The following LRRC59 variants were observed in gnomAD, a reference collection of about 807,000 sequenced individuals.
LRRC59 encodes leucine-rich repeat-containing protein 59.
Under a neutral mutation model 33.5 loss-of-function variants are expected in LRRC59, and 18 were observed. The ratio of observed to expected loss-of-function variants is 0.54; its 90% CI spans 0.37 to 0.80. The LOEUF (loss-of-function observed/expected upper bound fraction) is 0.80, where lower values mean the gene tolerates loss of function less well. LRRC59 is among the 30% of genes least tolerant of loss of function. The pLI is 0.00. For synonymous variants in LRRC59, 138 were observed against 160.0 expected, an observed-to-expected ratio of 0.86 and a Z score of 1.04; for missense variants, 330 against 391.9, an observed-to-expected ratio of 0.84 and a Z score of 1.33.
chr17:50,394,846 T>TCCCCCCCCCCCC, intron 2 of LRRC59, 83 bp downstream of exon 2: 1 of 960,492 alleles, frequency 1.0e-6, no homozygotes, highest in Non-Finnish European at 1.6e-6. Flanking sequence ...TATGACACCC[T>TCCCCCCCCCCCC]CCCACCCCCC....
chr17:50,385,439 C>T (rs1913980044), intron 5 of LRRC59, 148 bp from the exon 6 acceptor site: 6 of 902,760 alleles, frequency 6.6e-6, no homozygotes, highest in Non-Finnish European at 8.3e-6. Flanking sequence ...AGCCATCCTT[C>T]TGCTCCTGGA....
chr17:50,390,694 C>T (rs1914123136), intron 4 of LRRC59, among the ~76,000 whole-genome samples: 1 of 152,122 alleles, frequency 6.6e-6, no homozygotes, highest in South Asian at 2.1e-4. Flanking sequence ...TTAAGACTAA[C>T]CCATATACCC....
chr17:50,390,077 G>A (rs1914104866), intron 4 of LRRC59, among the ~76,000 whole-genome samples: 1 of 138,550 alleles, frequency 7.2e-6, no homozygotes, highest in Admixed American at 7.6e-5. Context: ...CAGCCTGGAC[G>A]ATAGAGCGTG....
intron 6 of LRRC59, among the ~76,000 whole-genome samples, chr17:50,383,797 T>G (rs888061987): frequency 1.8e-4 from 27 of 151,900 alleles, no homozygotes; most frequent in Non-Finnish European, 3.8e-4. Flanking sequence ...CATTTTTAAT[T>G]AGAAAAAAAT....
In LRRC59 at chr17:50,391,344, A is replaced by C. The variant is rs187952343; in HGVS notation, c.429+1054T>G. On this transcript the variant is annotated intron_variant, in intron 4 of 6. Transcript: ENST00000225972. Reference sequence around the variant, plus strand: ...AAGATTATATAAGAAGCCCTGAGCTAATGATAAGAAGTATCTTACTCTCTT... The same window carrying C: ...AAGATTATATAAGAAGCCCTGAGCTCATGATAAGAAGTATCTTACTCTCTT... 3.9e-5 allele frequency among the ~76,000 whole-genome samples: 6 copies of C among 152,362 alleles called. No individual in the cohort carries two copies. The East Asian group carries it at 1.2e-3, about 29-fold the overall frequency.
chr17:50,387,465 G>A (rs941248747), intron 5 of LRRC59, among the ~76,000 whole-genome samples: 4 of 152,234 alleles, frequency 2.6e-5, no homozygotes, highest in Non-Finnish European at 4.4e-5. Flanking sequence ...GATGCCATTA[G>A]AGGGTTTTAA....
intron 1 of LRRC59, among the ~76,000 whole-genome samples, chr17:50,395,588 T>A (rs1183195544): frequency 6.6e-6 from 1 of 152,064 alleles, no homozygotes; most frequent in Non-Finnish European, 1.5e-5. Context: ...TCATGACTGA[T>A]CGAGTAAGTA....
At chr17:50,388,756 G>C (rs1054788882) in intron 4 of LRRC59, among the ~76,000 whole-genome samples, 3 of 152,134 alleles carry the variant, frequency 2.0e-5, no homozygotes, top group African/African-American at 7.2e-5. Flanking sequence ...ATGACCCTCA[G>C]CAACAACTTG....
chr17:50,383,826 A>G (rs1252808606), intron 6 of LRRC59, among the ~76,000 whole-genome samples: 2 of 151,944 alleles, frequency 1.3e-5, no homozygotes, highest in African/African-American at 2.4e-5. Flanking sequence ...AGATTTTTAG[A>G]CAAAATTTTT....
At chr17:50,396,047 G>A (rs1424459043) in intron 1 of LRRC59, 5 of 152,242 alleles carry the variant, frequency 3.3e-5, no homozygotes, top group African/African-American at 1.2e-4. Flanking sequence ...CCTAGGGCAG[G>A]GTGAAATAAG....
intron 4 of LRRC59, among the ~76,000 whole-genome samples, chr17:50,391,347 G>T (rs1914138790): frequency 1.3e-5 from 2 of 152,172 alleles, no homozygotes; most frequent in Non-Finnish European, 2.9e-5. Context: ...CTGAGCTAAT[G>T]ATAAGAAGTA....
chr17:50,384,798 T>A (rs2143354134), intron 6 of LRRC59, among the ~76,000 whole-genome samples: 1 of 150,602 alleles, frequency 6.6e-6, no homozygotes, highest in African/African-American at 2.4e-5. Flanking sequence ...TGACCATGTG[T>A]GTGATTTTTG....
At chr17:50,397,118 A>T (rs1428465550) in intron 1 of LRRC59, 95 bp downstream of exon 1, 1 of 951,318 alleles carries the variant, frequency 1.1e-6, no homozygotes, top group Non-Finnish European at 1.5e-6. Flanking sequence ...AAGAAAAGGA[A>T]ACTGATGCTT....
intron 4 of LRRC59, among the ~76,000 whole-genome samples, chr17:50,389,959 G>GT: frequency 6.6e-6 from 1 of 152,026 alleles, no homozygotes; most frequent in African/African-American, 2.4e-5. Flanking sequence ...TTAGCTGGGT[G>GT]TGGTGGTGTG....
Position 50,382,641 on chromosome 17 carries a change from A to T in LRRC59, c.*347T>A, listed in dbSNP as rs377582963. ...TTGTGGCATACAAAAGTATAAATGT[A>T]GTGACAGCTGACCATTTAGTAGAAA... On this transcript the variant is annotated 3_prime_UTR_variant, in exon 7 of 7. Coordinates refer to ENST00000225972, the MANE Select transcript of LRRC59 (RefSeq NM_018509.4). 2 of 282,446 alleles carry T rather than the reference A, an allele frequency of 7.1e-6. No homozygotes were observed. The highest frequency in any genetic ancestry group is 9.3e-5 in the South Asian group (2 of 21,566). 17.5% of individuals were successfully genotyped at this position (282,446 alleles called of 1,614,324 possible). A position where few individuals can be genotyped will look rare whatever the true frequency, so the allele number is the denominator to read the frequency against.
intron 4 of LRRC59, 141 bp downstream of exon 4, chr17:50,392,257 A>G: frequency 1.6e-6 from 1 of 638,232 alleles, no homozygotes; most frequent in Non-Finnish European, 2.8e-6. Context: ...TCTGTTTGAC[A>G]GGCTCATAGT....
intron 2 of LRRC59, among the ~76,000 whole-genome samples, chr17:50,393,306 C>G (rs1445743024): frequency 6.6e-6 from 1 of 152,238 alleles, no homozygotes; most frequent in African/African-American, 2.4e-5. Context: ...GCACAAAACA[C>G]TATTCCTTCA....
At chr17:50,389,132 G>C (rs1474019458) in intron 4 of LRRC59, among the ~76,000 whole-genome samples, 1 of 152,184 alleles carries the variant, frequency 6.6e-6, no homozygotes, top group African/African-American at 2.4e-5. Context: ...CTAGGGCAGA[G>C]CTTGTCGCAC....
At chr17:50,396,219 T>C (rs1393230895) in intron 1 of LRRC59, 2 of 152,226 alleles carry the variant, frequency 1.3e-5, no homozygotes, top group African/African-American at 4.8e-5. Flanking sequence ...GCTACAAGTA[T>C]CAGTATTTGC....
Sources: gnomAD v4.1 joint callset for allele counts (sites outside exome capture counted in the v4.1 genomes callset) on GRCh38, gnomAD v4.1.1 for gene constraint, MANE v1.5 for transcripts, NCBI Gene and HGNC (gene_info 2026-07-23, HGNC 2026-07-21) for gene names.